The following HNF1A variants were observed in gnomAD, a reference collection of about 807,000 sequenced individuals.
HNF1A encodes HNF1 homeobox A.
Under a neutral mutation model 62.2 loss-of-function variants are expected in HNF1A, and 21 were observed. That is an observed-to-expected ratio of 0.34 (90% CI 0.24 to 0.49). HNF1A has a LOEUF of 0.49. Among genes scored for constraint, HNF1A ranks in the 20% least tolerant of loss-of-function variants. The pLI is 0.99. For missense variants in HNF1A, 687 were observed against 832.3 expected, an observed-to-expected ratio of 0.83 and a Z score of 2.15; for synonymous variants, 374 against 366.8, an observed-to-expected ratio of 1.02 and a Z score of -0.22.
intron 2 of HNF1A, among the ~76,000 whole-genome samples, chr12:120,990,859 T>G (rs1876802508): frequency 6.6e-6 from 1 of 152,166 alleles, no homozygotes; most frequent in Non-Finnish European, 1.5e-5. Flanking sequence ...CCAGAGAGAT[T>G]TTCTGCATAT....
chr12:121,001,160 A>G lies in HNF1A; in HGVS notation c.1864A>G (p.Ile622Val), dbSNP rs1217308885. 1.2e-6 allele frequency: 2 copies of G among 1,613,944 alleles called. No homozygotes were observed. The highest frequency in any genetic ancestry group is 1.3e-5 in the African/African-American group (1 of 74,918). Reference protein sequence around the residue: ...PSNHSVIETFISTQMASSSQ With the variant: ...PSNHSVIETFVSTQMASSSQ ...CAACCACAGCGTCATCGAGACCTTCATCTCCACCCAGATGGCCTCTTCCTC... is the reference window on the plus strand; with the variant it reads ...CAACCACAGCGTCATCGAGACCTTCGTCTCCACCCAGATGGCCTCTTCCTC... Residue 622 changes from isoleucine to valine, a missense_variant, in exon 10 of 10, where the codon ATC becomes GTC. Transcript: ENST00000257555.
rs775152792 is a variant in HNF1A, at chr12:120,999,630, G to A, written c.1768+3G>A. ...CCGGCTCAGCGCCAGCCCCACAGGTGAGAGGCCCTGGCTCCACCCCCTCCC... is the reference window on the plus strand; with the variant it reads ...CCGGCTCAGCGCCAGCCCCACAGGTAAGAGGCCCTGGCTCCACCCCCTCCC... On this transcript the variant is annotated splice_donor_region_variant and intron_variant, in intron 9 of 9. Transcript: ENST00000257555. 6.2e-7 allele frequency: 1 copy of A among 1,608,058 alleles called. No individual in the cohort carries two copies. The highest frequency in any genetic ancestry group is 1.3e-5 in the African/African-American group (1 of 74,866).
chr12:120,994,314 G>A lies in HNF1A; in HGVS notation c.864G>A (p.Gly288=). Residue 288 remains glycine (G), a synonymous_variant, in exon 4 of 10, where the codon GGG becomes GGA. Coordinates refer to ENST00000257555, the MANE Select transcript of HNF1A (RefSeq NM_000545.8). ...RHKLAMDTYS[G]PPPGPGPGPA... ...AGCTGGCCATGGACACGTACAGCGG[G>A]CCCCCCCCAGGGCCAGGCCCGGGAC... is the stretch of plus-strand genomic sequence containing the variant. 1 of 1,605,282 alleles carries A rather than the reference G, an allele frequency of 6.2e-7. No individual in the cohort carries two copies. The highest frequency in any genetic ancestry group is 8.5e-7 in the Non-Finnish European group (1 of 1,175,662).
At chr12:120,995,223 A>G (rs1877041674) in intron 4 of HNF1A, among the ~76,000 whole-genome samples, 2 of 147,814 alleles carry the variant, frequency 1.4e-5, no homozygotes, top group Non-Finnish European at 3.0e-5. Flanking sequence ...CATCCACTCC[A>G]TACTCTATTC....
chr12:120,989,499 A>T (rs1404109022), intron 2 of HNF1A, among the ~76,000 whole-genome samples: 1 of 152,026 alleles, frequency 6.6e-6, no homozygotes, highest in Non-Finnish European at 1.5e-5. Context: ...ACCTCAGGTG[A>T]TCCACCCACC....
intron 4 of HNF1A, among the ~76,000 whole-genome samples, chr12:120,994,888 T>C (rs992933685): frequency 4.3e-5 from 6 of 138,496 alleles, no homozygotes; most frequent in African/African-American, 1.6e-4. Context: ...ACTCCATCCA[T>C]TGCATCCAAC....
Position 120,996,899 on chromosome 12 carries a change from A to G in HNF1A, c.1309+157A>G. On this transcript the variant is annotated intron_variant, in intron 6 of 9. Transcript: ENST00000257555. The surrounding 1 kb of genome is among the most constrained non-coding windows in gnomAD (Gnocchi z 4.5). ...GACCAGTCACTGTGCTACATCAGTG[A>G]TACCTGGGTGAACCAAACAGACCAA... is the stretch of plus-strand genomic sequence containing the variant. 6.6e-7 allele frequency: 1 copy of G among 1,525,776 alleles called. No individual in the cohort carries two copies. The allele number at this position is 1,525,776 out of a possible 1,614,324, so 94.5% of individuals were successfully genotyped here.
At chr12:120,989,587 G>T (rs529476899) in intron 2 of HNF1A, among the ~76,000 whole-genome samples, 8 of 152,210 alleles carry the variant, frequency 5.3e-5, no homozygotes, top group Non-Finnish European at 7.3e-5. Flanking sequence ...AGAGCCCATG[G>T]TTAAGTGGGA....
At chr12:120,989,252 TC>T (rs1252759037) in intron 2 of HNF1A, among the ~76,000 whole-genome samples, 1 of 152,038 alleles carries the variant, frequency 6.6e-6, no homozygotes, top group African/African-American at 2.4e-5. Flanking sequence ...ATGAAATGGG[TC>T]CCTGCTTTCT....
rs1877466964 is a variant in HNF1A at position 121,001,327 on chromosome 12, C to G, written c.*135C>G. The G allele has an allele frequency of 9.1e-7, 1 of 1,098,234 alleles. No individual in the cohort carries two copies. Among genetic ancestry groups the G allele is most frequent in the East Asian group, 2.6e-5 (1 of 38,840 alleles). The allele number at this position is 1,098,234 out of a possible 1,614,324, so 68.0% of individuals were successfully genotyped here. A position where few individuals can be genotyped will look rare whatever the true frequency, so the allele number is the denominator to read the frequency against. Reference sequence around the variant, plus strand: ...GGACAGCTGTGCCTCGCTCCCCACTCTGCTCTGATGCATCAGAAAGGGAGG... The same window carrying G: ...GGACAGCTGTGCCTCGCTCCCCACTGTGCTCTGATGCATCAGAAAGGGAGG... On this transcript the variant is annotated 3_prime_UTR_variant, in exon 10 of 10. Transcript: ENST00000257555.
At chr12:120,998,140 C>T (rs138557867) in intron 7 of HNF1A, 4 of 297,932 alleles carry the variant, frequency 1.3e-5, no homozygotes, top group Admixed American at 4.4e-5. Context: ...ATTAGCCAGG[C>T]GTGGAGGCAC....
At chr12:120,987,590 ATATAT>A (rs1180961630) in intron 1 of HNF1A, among the ~76,000 whole-genome samples, 1 of 149,454 alleles carries the variant, frequency 6.7e-6, no homozygotes, top group Non-Finnish European at 1.5e-5. Context: ...ATTTTTAAAA[ATATAT>A]ATATATATAT....
intron 1 of HNF1A, among the ~76,000 whole-genome samples, chr12:120,986,901 A>G (rs1876538010): frequency 1.3e-5 from 2 of 152,094 alleles, no homozygotes; most frequent in South Asian, 4.1e-4. Context: ...TCTGTGACAT[A>G]TTGGTAATAT....
At position 121,001,395 on chromosome 12, in the gene HNF1A, A is replaced by G. The variant is rs993106889; in HGVS notation, c.*203A>G. 3 of 622,072 alleles carry G rather than the reference A, an allele frequency of 4.8e-6. No homozygotes were observed. The African/African-American group carries it at 5.5e-5, about 11-fold the overall frequency. 38.5% of individuals were successfully genotyped at this position (622,072 alleles called of 1,614,324 possible). On this transcript the variant is annotated 3_prime_UTR_variant, in exon 10 of 10. Coordinates refer to ENST00000257555, the MANE Select transcript of HNF1A (RefSeq NM_000545.8). ...CCCGTGGAGGCTGCTCGGGGTGCAC[A>G]GGAGGGGGTCGTGGAGAGCTAGGAG...
intron 2 of HNF1A, among the ~76,000 whole-genome samples, chr12:120,989,733 A>G (rs1876717508): frequency 6.6e-6 from 1 of 152,204 alleles, no homozygotes; most frequent in South Asian, 2.1e-4. Context: ...GTATTACACA[A>G]AGCATTTCAG....
chr12:120,978,822 G>A lies in HNF1A; in HGVS notation c.54G>A (p.Glu18=). 2 of 1,613,204 alleles carry A rather than the reference G, an allele frequency of 1.2e-6. No homozygotes were observed. Among genetic ancestry groups the A allele is most frequent in the South Asian group, 2.2e-5 (2 of 91,078 alleles). ...LQTELLAALL[E]SGLSKEALIQ... ...CGGAGCTCCTGGCGGCCCTGCTCGAGTCAGGGCTGAGCAAAGAGGCACTGA... is the reference window on the plus strand; with the variant it reads ...CGGAGCTCCTGGCGGCCCTGCTCGAATCAGGGCTGAGCAAAGAGGCACTGA... The change falls in exon 1 of 10, where the codon GAG becomes GAA. Residue 18 remains glutamate, a synonymous_variant. Transcript: ENST00000257555.
At chr12:120,986,453 C>T (rs953793587) in intron 1 of HNF1A, among the ~76,000 whole-genome samples, 9 of 152,234 alleles carry the variant, frequency 5.9e-5, no homozygotes, top group Non-Finnish European at 1.2e-4. Flanking sequence ...GCCACAAATT[C>T]TAGAAGCGAA....
rs757068809 is a variant in HNF1A at position 120,996,367 on chromosome 12, C to T, written c.1061C>T (p.Thr354Met). The change falls in exon 5 of 10, where the codon ACG (threonine) becomes ATG (methionine). Residue 354 changes from threonine to methionine, a missense_variant. Around this residue, in one of 5 missense-constraint regions of HNF1A, gnomAD observed 408 missense variants for 455.3 expected, o/e 0.90. Coordinates refer to ENST00000257555, the MANE Select transcript of HNF1A (RefSeq NM_000545.8). This position sits in a 1 kb window ranked among gnomAD's most constrained non-coding sequence, Gnocchi z 4.5. The stretch of plus-strand genomic sequence containing the variant: ...ACACCCCTCCACCAAGTGTCCCCCA[C>T]GGGCCTGGAGCCCAGCCACAGCCTG... ...VSTPLHQVSP[T>M]GLEPSHSLLS... 137 of 1,614,036 alleles carry T rather than the reference C, an allele frequency of 8.5e-5. No individual in the cohort carries two copies. Among genetic ancestry groups the T allele is most frequent in the Admixed American group, 1.3e-4 (8 of 60,008 alleles).
Position 121,001,129 on chromosome 12 carries a change from G to C in HNF1A, c.1833G>C (p.Leu611=), listed in dbSNP as rs757357354. Reference sequence around the variant, plus strand: ...CCAGCAATGGCCAGAGCCACCTGCTGCCATCCAACCACAGCGTCATCGAGA... The same window carrying C: ...CCAGCAATGGCCAGAGCCACCTGCTCCCATCCAACCACAGCGTCATCGAGA... ...SDSSNGQSHL[L]PSNHSVIETF... The change falls in exon 10 of 10, where the codon CTG becomes CTC. Residue 611 remains leucine, a synonymous_variant. Transcript: ENST00000257555. 6.2e-7 allele frequency: 1 copy of C among 1,613,916 alleles called. No individual in the cohort carries two copies. The highest frequency in any genetic ancestry group is 1.3e-5 in the African/African-American group (1 of 74,932).
Sources: allele counts gnomAD v4.1 joint callset (sites outside exome capture counted in the v4.1 genomes callset), GRCh38; gene constraint gnomAD v4.1.1; regional missense constraint gnomAD v4.1.1; non-coding constraint Gnocchi (gnomAD v3.1); transcripts MANE v1.5; gene names NCBI Gene and HGNC (gene_info 2026-07-23, HGNC 2026-07-21).